The following EFCAB14 variants were observed in gnomAD, a reference collection of about 807,000 sequenced individuals.
The protein encoded by EFCAB14 is EF-hand calcium-binding domain-containing protein 14.
In EFCAB14, 43 loss-of-function variants were observed where a neutral mutation model predicts 56.5. The observed-to-expected ratio is 0.76, with a 90% CI of 0.60 to 0.98. The LOEUF is 0.98. Ranked by LOEUF, EFCAB14 falls within the 50% of genes least tolerant of loss-of-function variation. The pLI, the probability that EFCAB14 is intolerant of heterozygous loss-of-function variation, is 0.00. For synonymous variants in EFCAB14, 235 were observed against 212.9 expected (o/e 1.10, Z -0.90); for missense variants, 538 against 580.3 (o/e 0.93, Z 0.75).
intron 5 of EFCAB14, among the ~76,000 whole-genome samples, chr1:46,690,828 T>C (rs1309055994): frequency 6.6e-6 from 1 of 151,752 alleles, no homozygotes; most frequent in African/African-American, 2.4e-5. Context: ...TCTAGAGCTC[T>C]CTAATATAGC....
At chr1:46,686,612 G>A in intron 8 of EFCAB14, 172 bp downstream of exon 8, 1 of 681,822 alleles carries the variant, frequency 1.5e-6, no homozygotes, top group Non-Finnish European at 2.5e-6. Context: ...CAGGGTAGGT[G>A]CCTAAAAAAG....
chr1:46,706,094 T>C (rs951464086), intron 3 of EFCAB14, among the ~76,000 whole-genome samples: 2 of 152,178 alleles, frequency 1.3e-5, no homozygotes, highest in African/African-American at 4.8e-5. Flanking sequence ...CTGGAACTCC[T>C]TGGATCAAGT....
chr1:46,718,202 G>T lies in EFCAB14; in HGVS notation c.-115C>A. The T allele has an allele frequency of 8.7e-7, 1 of 1,149,398 alleles. No individual in the cohort carries two copies. 71.2% of individuals were successfully genotyped at this position (1,149,398 alleles called of 1,614,324 possible). A position where few individuals can be genotyped will look rare whatever the true frequency, so the allele number is the denominator to read the frequency against. On this transcript the variant is annotated 5_prime_UTR_variant, in exon 1 of 11. Transcript: ENST00000371933. Reference sequence around the variant, plus strand: ...CCAGGGTTGGGAATCCTGGGCCAGAGCCCCCTGGTCACTCCCACCTAGGGG... The same window carrying T: ...CCAGGGTTGGGAATCCTGGGCCAGATCCCCCTGGTCACTCCCACCTAGGGG...
At position 46,686,838 on chromosome 1, in the gene EFCAB14, C is replaced by T. The variant is rs1382697751; in HGVS notation, c.1020G>A (p.Gln340=). Reference sequence around the variant, plus strand: ...TTCTGTTGGTGACTTGATCCAAAGACTGTCTTTTCAGAGTGGCAGATCTAT... The same window carrying T: ...TTCTGTTGGTGACTTGATCCAAAGATTGTCTTTTCAGAGTGGCAGATCTAT... ...MGDRSATLKR[Q]SLDQVTNRTD... The change falls in exon 8 of 11, where the codon CAG becomes CAA. Residue 340 remains glutamine (Q), a synonymous_variant. Transcript: ENST00000371933. 3 of 1,613,680 alleles carry T rather than the reference C, an allele frequency of 1.9e-6. No homozygotes were observed. The highest frequency in any genetic ancestry group is 1.1e-5 in the South Asian group (1 of 91,078).
chr1:46,699,344 C>T (rs746392221), intron 3 of EFCAB14, among the ~76,000 whole-genome samples: 2 of 152,134 alleles, frequency 1.3e-5, no homozygotes, highest in Non-Finnish European at 2.9e-5. Flanking sequence ...TATGAACAGG[C>T]TCAGGAGTAC....
chr1:46,689,793 T>C, intron 5 of EFCAB14, 102 bp from the exon 6 acceptor site: 1 of 947,010 alleles, frequency 1.1e-6, no homozygotes, highest in Non-Finnish European at 1.7e-6. Context: ...CCAGAATGCA[T>C]CCACAGATTA....
At chr1:46,708,401 T>C (rs1172791686) in intron 2 of EFCAB14, among the ~76,000 whole-genome samples, 2 of 152,224 alleles carry the variant, frequency 1.3e-5, no homozygotes, top group South Asian at 2.1e-4. Flanking sequence ...CGATAAAATA[T>C]ACTTTCACAG....
intron 9 of EFCAB14, 142 bp from the exon 10 acceptor site, chr1:46,683,567 G>A: frequency 1.1e-6 from 1 of 911,590 alleles, no homozygotes; most frequent in Non-Finnish European, 1.6e-6. Flanking sequence ...TAGTGACTAT[G>A]TGAAGTTAAA....
intron 7 of EFCAB14, 164 bp from the exon 8 acceptor site, chr1:46,687,034 AG>A (rs1676894410): frequency 1.6e-6 from 1 of 634,652 alleles, no homozygotes; most frequent in Non-Finnish European, 2.7e-6. Flanking sequence ...GGAGAGAGGG[AG>A]AAAGGCCAGA....
chr1:46,710,182 GAC>G (rs1304898753), intron 2 of EFCAB14, among the ~76,000 whole-genome samples: 4 of 152,092 alleles, frequency 2.6e-5, no homozygotes, highest in Non-Finnish European at 4.4e-5. Flanking sequence ...TCATTATAAT[GAC>G]AGACTTCCTA....
At chr1:46,701,039 A>G (rs564995457) in intron 3 of EFCAB14, among the ~76,000 whole-genome samples, 6 of 146,462 alleles carry the variant, frequency 4.1e-5, no homozygotes, top group South Asian at 2.2e-4. Flanking sequence ...CAGAGATGGG[A>G]ATTGAAGGAA....
Position 46,684,501 on chromosome 1 carries a change from G to A in EFCAB14, c.1176C>T (p.Thr392=), listed in dbSNP as rs142055266. 216 of 1,613,704 alleles carry A rather than the reference G, an allele frequency of 1.3e-4. No homozygotes were observed. The East Asian group carries it at 3.6e-3, about 27-fold the overall frequency. Residue 392 remains threonine (T), a synonymous_variant, in exon 9 of 11, where the codon ACC becomes ACT. Transcript: ENST00000371933. ...NKPESNRPPE[T]ADEEQVESFT... is the part of the protein sequence containing the mutation. ...CGGCTCTGCTCTCACCTTCATCGGC[G>A]GTCTCTGGAGGCCTGTTGCTCTCAG...
intron 2 of EFCAB14, among the ~76,000 whole-genome samples, chr1:46,708,374 C>T (rs1677262544): frequency 6.6e-6 from 1 of 152,158 alleles, no homozygotes; most frequent in Admixed American, 6.5e-5. Flanking sequence ...AGCTCAGTTT[C>T]CTCATCTGTA....
At position 46,691,858 on chromosome 1, in the gene EFCAB14, T is replaced by C. The variant is rs1200435796; in HGVS notation, c.659A>G (p.Lys220Arg). Residue 220 changes from lysine to arginine, a missense_variant, in exon 5 of 11, where the codon AAG becomes AGG. Transcript: ENST00000371933. ...ACTCTGCAGTAATTCCATCGTTTTC[T>C]TGTGTTCATCCACAGTTTTCTGTAG... ...EALQKTVDEH[K>R]KTMELLQSDM... is the part of the protein sequence containing the mutation. The C allele has an allele frequency of 3.7e-6, 6 of 1,613,482 alleles. No individual in the cohort carries two copies. The highest frequency in any genetic ancestry group is 5.1e-6 in the Non-Finnish European group (6 of 1,179,726).
intron 2 of EFCAB14, among the ~76,000 whole-genome samples, chr1:46,713,451 C>T (rs1193330146): frequency 6.6e-6 from 1 of 152,116 alleles, no homozygotes; most frequent in Non-Finnish European, 1.5e-5. Flanking sequence ...TTGGTATTAA[C>T]AAGTGTTCAA....
At chr1:46,715,700 C>A (rs1055719292) in intron 2 of EFCAB14, among the ~76,000 whole-genome samples, 4 of 151,914 alleles carry the variant, frequency 2.6e-5, no homozygotes, top group African/African-American at 9.7e-5. Context: ...GAGTCTCTTG[C>A]CTTTTGCACG....
chr1:46,685,969 T>G (rs1676874646), intron 8 of EFCAB14, among the ~76,000 whole-genome samples: 1 of 152,218 alleles, frequency 6.6e-6, no homozygotes, highest in Admixed American at 6.5e-5. Context: ...TATAAAGCAT[T>G]ACATCAAAAG....
In EFCAB14 at chr1:46,678,573, AT is replaced by A. The variant is rs1474709306; in HGVS notation, c.1375del (p.Ile459SerfsTer5). ...CATAGCAGAACCTAGGGAGGTCCAGATTTCCTGGTAGGTCAGCTTCCCATCC... is the reference window on the plus strand; with the variant it reads ...CATAGCAGAACCTAGGGAGGTCCAGATTCCTGGTAGGTCAGCTTCCCATCC... The part of the protein sequence containing the change: ...DVDGKLTYQE[I>X]WTSLGSAMPE... On this transcript the variant is annotated frameshift_variant, in exon 11 of 11. Coordinates refer to ENST00000371933, the MANE Select transcript of EFCAB14 (RefSeq NM_014774.3). LOFTEE classifies it high-confidence loss of function. 3.7e-6 allele frequency: 6 copies of A among 1,614,004 alleles called. No homozygotes were observed. The highest frequency in any genetic ancestry group is 1.3e-5 in the African/African-American group (1 of 74,900).
rs559906033 is a variant in EFCAB14, at chr1:46,686,697, C to T, written c.1074+87G>A. On this transcript the variant is annotated intron_variant, in intron 8 of 10. Coordinates refer to ENST00000371933, the MANE Select transcript of EFCAB14 (RefSeq NM_014774.3). ...GTTTCAGCACATGAGAACAAAAGTA[C>T]GCCCTTTGAAAAAGTAGCAGTAGAT... 4.2e-5 allele frequency: 54 copies of T among 1,289,054 alleles called. No homozygotes were observed. In the African/African-American group the frequency reaches 6.5e-4, roughly 16 times the overall value. 79.9% of individuals were successfully genotyped at this position (1,289,054 alleles called of 1,614,324 possible).
Sources: gnomAD v4.1 joint callset for allele counts (sites outside exome capture counted in the v4.1 genomes callset) on GRCh38, gnomAD v4.1.1 for gene constraint, MANE v1.5 for transcripts, NCBI Gene and HGNC (gene_info 2026-07-23, HGNC 2026-07-21) for gene names.